The following RBFOX1 variants were observed in gnomAD, a reference collection of about 807,000 sequenced individuals.
RBFOX1 encodes the protein RNA binding fox-1 homolog 1.
A neutral mutation model predicts 57.7 loss-of-function variants in RBFOX1; 8 were observed. That is an observed-to-expected ratio of 0.14 (90% CI 0.08 to 0.25). The LOEUF (loss-of-function observed/expected upper bound fraction) is 0.25. Ranked by LOEUF, RBFOX1 falls within the 10% of genes least tolerant of loss-of-function variation. The probability of loss-of-function intolerance (pLI) is 1.00; values close to 1 mark genes in which losing one functional copy is unlikely to be tolerated. For synonymous variants in RBFOX1, 326 were observed against 222.4 expected (o/e 1.47, Z -4.15); for missense variants, 611 against 548.5 (o/e 1.11, Z -1.14).
At chr16:6,824,059 T>A (rs2091767266) in intron 3 of RBFOX1, among the ~76,000 whole-genome samples, 1 of 152,226 alleles carries the variant, frequency 6.6e-6, no homozygotes, top group Admixed American at 6.5e-5. Flanking sequence ...TATCTTTGTC[T>A]ACACCTTGTA....
Position 5,454,791 on chromosome 16 carries a change from C to T in RBFOX1, c.220-12425C>T, listed in dbSNP as rs1035683166. ...TCTCTTTCTTTCTTTCTTTCTTTCT[C>T]TTTCTTTCTTTCTTTCCCTTTCCTT... On this transcript the variant is annotated intron_variant, in intron 1 of 2. Transcript: ENST00000585867. Among the ~76,000 whole-genome samples the T allele has an allele frequency of 2.0e-4, 28 of 137,810 alleles. No individual in the cohort carries two copies. The South Asian group carries it at 2.3e-3, about 11-fold the overall frequency. The allele number at this position is 137,810 out of a possible 152,430, so 90.4% of individuals were successfully genotyped here. A position where few individuals can be genotyped will look rare whatever the true frequency, so the allele number is the denominator to read the frequency against.
At position 6,537,921 on chromosome 16, in the gene RBFOX1, G is replaced by T. The variant is rs550987880; in HGVS notation, c.-63-116682G>T. The stretch of plus-strand genomic sequence containing the variant: ...AGCTGAATGGAAGAACCGGCCTAAA[G>T]AGCAAGATTTTTTTTTTTAATAAAA... On this transcript the variant is annotated intron_variant, in intron 2 of 15. Transcript: ENST00000550418. Among the ~76,000 whole-genome samples the T allele has an allele frequency of 2.5e-3, 372 of 151,788 alleles. 2 individuals carry two copies. Among genetic ancestry groups the T allele is most frequent in the African/African-American group, 8.3e-3 (343 of 41,446 alleles).
At chr16:6,849,286 T>C (rs1488733843) in intron 3 of RBFOX1, among the ~76,000 whole-genome samples, 1 of 152,208 alleles carries the variant, frequency 6.6e-6, no homozygotes, top group Non-Finnish European at 1.5e-5. Flanking sequence ...TCCTGCAATA[T>C]TCTGCTCATT....
intron 1 of RBFOX1, among the ~76,000 whole-genome samples, chr16:6,057,409 G>C (rs923942960): frequency 6.6e-6 from 1 of 151,892 alleles, no homozygotes; most frequent in Admixed American, 6.6e-5. Context: ...AATTTAATAA[G>C]ATGCATTCTT....
At chr16:6,596,565 A>G (rs1250693342) in intron 2 of RBFOX1, among the ~76,000 whole-genome samples, 1 of 143,328 alleles carries the variant, frequency 7.0e-6, no homozygotes, top group Non-Finnish European at 1.5e-5. Context: ...ACTCTAGGAT[A>G]AGAGATGGGT....
At chr16:6,967,225 A>G (rs985724770) in intron 3 of RBFOX1, among the ~76,000 whole-genome samples, 5 of 151,868 alleles carry the variant, frequency 3.3e-5, no homozygotes, top group Non-Finnish European at 5.9e-5. Flanking sequence ...TCCATCATCC[A>G]TTTGTTTATA....
intron 1 of RBFOX1, among the ~76,000 whole-genome samples, chr16:6,247,969 C>G (rs942694925): frequency 6.6e-6 from 1 of 152,172 alleles, no homozygotes; most frequent in Non-Finnish European, 1.5e-5. Flanking sequence ...GACATCCATC[C>G]CTTTGTGTTC....
intron 2 of RBFOX1, among the ~76,000 whole-genome samples, chr16:5,569,164 A>C (rs897109066): frequency 2.0e-5 from 3 of 151,934 alleles, no homozygotes; most frequent in Non-Finnish European, 4.4e-5. Flanking sequence ...TTGGTTCTGT[A>C]TGTGTCTTCA....
rs35481033 is a variant in RBFOX1 at position 5,619,986 on chromosome 16, T to TAA, written c.318+21038_318+21039dup. 3.1e-3 allele frequency among the ~76,000 whole-genome samples: 435 copies of TAA among 140,614 alleles called. 2 individuals carry two copies. Among genetic ancestry groups the TAA allele is most frequent in the South Asian group, 0.014 (60 of 4,264 alleles). The allele number at this position is 140,614 out of a possible 152,430, so 92.2% of individuals were successfully genotyped here. The stretch of plus-strand genomic sequence containing the variant: ...CAGATAGTAAATTCCTAGGATGCAT[T>TAA]AAAAAAAAAAAAAAGAAAGAAAGAA... On this transcript the variant is annotated intron_variant, in intron 3 of 19. Coordinates refer to the RBFOX1 transcript ENST00000641259.
At chr16:7,275,515 A>G (rs185141617) in intron 4 of RBFOX1, among the ~76,000 whole-genome samples, 190 of 152,316 alleles carry the variant, frequency 1.2e-3, no homozygotes, top group Non-Finnish European at 2.0e-3. Flanking sequence ...TGCTTCCATA[A>G]CTATATAGAA....
At chr16:7,485,782 T>G (rs1348573308) in intron 4 of RBFOX1, among the ~76,000 whole-genome samples, 2 of 152,244 alleles carry the variant, frequency 1.3e-5, no homozygotes, top group Non-Finnish European at 2.9e-5. Flanking sequence ...TTACATCCCT[T>G]GACTATCTTC....
intron 1 of RBFOX1, among the ~76,000 whole-genome samples, chr16:6,180,819 G>A (rs972205637): frequency 6.6e-6 from 1 of 152,084 alleles, no homozygotes; most frequent in Non-Finnish European, 1.5e-5. Flanking sequence ...ACCTGCCTCG[G>A]CCTCCCAACA....
intron 3 of RBFOX1, among the ~76,000 whole-genome samples, chr16:5,822,934 C>G (rs190818514): frequency 6.6e-6 from 1 of 152,190 alleles, no homozygotes; most frequent in Non-Finnish European, 1.5e-5. Flanking sequence ...TGTTGCTTTC[C>G]ACATGATAAC....
chr16:6,776,603 C>T (rs563218134), intron 3 of RBFOX1, among the ~76,000 whole-genome samples: 1 of 152,220 alleles, frequency 6.6e-6, no homozygotes, highest in African/African-American at 2.4e-5. Flanking sequence ...TGGAGCCTCT[C>T]TATGTGGGGA....
At chr16:7,071,382 G>C (rs1042445098) in intron 4 of RBFOX1, among the ~76,000 whole-genome samples, 2 of 152,108 alleles carry the variant, frequency 1.3e-5, no homozygotes, top group African/African-American at 4.8e-5. Context: ...TTAGAAAAGC[G>C]CAGAGGAGAG....
At position 7,572,843 on chromosome 16, in the gene RBFOX1, G is replaced by GAATAAATAAATAAATAAATAAATAAATA. The variant is rs57189251; in HGVS notation, c.271-6912_271-6911insTAAATAAATAAATAAATAAATAAATAAA. ...AACAGAGTGAGAGTCTCTCTCAAAT[G>GAATAAATAAATAAATAAATAAATAAATA]AATAAATAAATAAATAAATAAAATG... On this transcript the variant is annotated intron_variant, in intron 5 of 15. Coordinates refer to ENST00000550418, the MANE Select transcript of RBFOX1 (RefSeq NM_018723.4). 8.5e-3 allele frequency among the ~76,000 whole-genome samples: 1,243 copies of GAATAAATAAATAAATAAATAAATAAATA among 146,738 alleles called. 14 individuals carry two copies. The highest frequency in any genetic ancestry group is 0.014 in the African/African-American group (564 of 39,968).
At chr16:6,525,200 T>C (rs1567554650) in intron 2 of RBFOX1, among the ~76,000 whole-genome samples, 1 of 152,132 alleles carries the variant, frequency 6.6e-6, no homozygotes, top group Non-Finnish European at 1.5e-5. Context: ...AACAAGAAGA[T>C]AAGAACAATT....
intron 3 of RBFOX1, among the ~76,000 whole-genome samples, chr16:6,951,303 A>G (rs1044703079): frequency 2.0e-5 from 3 of 152,194 alleles, no homozygotes; most frequent in Non-Finnish European, 4.4e-5. Flanking sequence ...AGCTGTCTGT[A>G]GGCTGGATAC....
chr16:7,230,072 G>A (rs1033220254), intron 4 of RBFOX1, among the ~76,000 whole-genome samples: 8 of 139,866 alleles, frequency 5.7e-5, no homozygotes, highest in Non-Finnish European at 1.3e-4. Flanking sequence ...GAGGAAGGAA[G>A]GGAGGGAGGG....
Sources: allele counts gnomAD v4.1 joint callset (sites outside exome capture counted in the v4.1 genomes callset), GRCh38; gene constraint gnomAD v4.1.1; transcripts MANE v1.5; gene names NCBI Gene and HGNC (gene_info 2026-07-23, HGNC 2026-07-21).